AP4S1: variants seen among roughly 807,000 people sequenced by gnomAD.
The protein encoded by AP4S1 is adaptor related protein complex 4 subunit sigma 1, also known as AP-4 complex subunit sigma-1.
AP4S1 carries 23 observed loss-of-function variants against 19.8 expected under a neutral mutation model. The ratio of observed to expected loss-of-function variants is 1.16; its 90% CI spans 0.84 to 1.65. The LOEUF (loss-of-function observed/expected upper bound fraction) is 1.65. Among genes scored for constraint, AP4S1 ranks in the 40% most tolerant of loss-of-function variants. The pLI is 0.00. For synonymous variants in AP4S1, 46 were observed against 54.1 expected (o/e 0.85, Z 0.66); for missense variants, 166 against 172.8 (o/e 0.96, Z 0.22).
At chr14:31,048,207 C>T (rs1885532484) in intron 1 of AP4S1, among the ~76,000 whole-genome samples, 1 of 151,196 alleles carries the variant, frequency 6.6e-6, no homozygotes, top group Non-Finnish European at 1.5e-5. Flanking sequence ...GATTCTCTTG[C>T]CTCGGCCTCC....
intron 1 of AP4S1, among the ~76,000 whole-genome samples, chr14:31,052,517 G>A (rs1017737030): frequency 7.9e-5 from 12 of 151,966 alleles, no homozygotes; most frequent in Admixed American, 2.6e-4. Context: ...CTGAGGTCAG[G>A]AGTTCGAGAC....
At chr14:31,067,208 CAAA>C (rs55659438) in intron 2 of AP4S1, among the ~76,000 whole-genome samples, 18 of 140,570 alleles carry the variant, frequency 1.3e-4, no homozygotes, top group South Asian at 2.3e-4. Context: ...AACTCTGTCT[CAAA>C]AAAAAAAAAA....
At chr14:31,034,015 AC>A in intron 1 of AP4S1, among the ~76,000 whole-genome samples, 2 of 152,342 alleles carry the variant, frequency 1.3e-5, no homozygotes, top group East Asian at 1.9e-4. Context: ...AGAATGAACA[AC>A]CAGGTCTGTA....
At chr14:31,063,852 T>C (rs550175011) in intron 1 of AP4S1, among the ~76,000 whole-genome samples, 32 of 152,344 alleles carry the variant, frequency 2.1e-4, no homozygotes, top group African/African-American at 7.2e-4. Flanking sequence ...ACAATGGCCA[T>C]CTTTGCAACT....
intron 4 of AP4S1, among the ~76,000 whole-genome samples, chr14:31,078,311 A>G (rs973741112): frequency 6.6e-6 from 1 of 152,200 alleles, no homozygotes; most frequent in African/African-American, 2.4e-5. Context: ...GCCATCCAAT[A>G]CAGTAGGCAT....
At chr14:31,085,186 A>G in intron 5 of AP4S1, 1 of 1,149,582 alleles carries the variant, frequency 8.7e-7, no homozygotes, top group Non-Finnish European at 1.1e-6. Context: ...AGCCCTCACT[A>G]TCTACTGCTT....
At chr14:31,043,617 C>G (rs953872444) in intron 1 of AP4S1, among the ~76,000 whole-genome samples, 1 of 152,186 alleles carries the variant, frequency 6.6e-6, no homozygotes, top group African/African-American at 2.4e-5. Context: ...AACTCGGCAA[C>G]AGAGTTAACG....
intron 1 of AP4S1, among the ~76,000 whole-genome samples, chr14:31,053,233 G>A (rs764309063): frequency 1.3e-5 from 2 of 152,076 alleles, no homozygotes; most frequent in Non-Finnish European, 2.9e-5. Flanking sequence ...GAGCCACCGC[G>A]TCCGGCCTTG....
intron 1 of AP4S1, among the ~76,000 whole-genome samples, chr14:31,035,342 A>G (rs1196219530): frequency 2.0e-5 from 3 of 150,436 alleles, no homozygotes; most frequent in Admixed American, 6.7e-5. Flanking sequence ...TTACAAGCAC[A>G]CGCCGCCACA....
chr14:31,085,395 C>G (rs1279377120), intron 5 of AP4S1: 1 of 988,668 alleles, frequency 1.0e-6, no homozygotes, highest in Non-Finnish European at 1.2e-6. Flanking sequence ...GGAGTCTCTA[C>G]TTTGTATTCT....
At chr14:31,070,915 G>A (rs1233286621) in intron 3 of AP4S1, among the ~76,000 whole-genome samples, 1 of 152,146 alleles carries the variant, frequency 6.6e-6, no homozygotes, top group Non-Finnish European at 1.5e-5. Flanking sequence ...AGCTGGGCGT[G>A]GTGGCGGGCG....
intron 1 of AP4S1, among the ~76,000 whole-genome samples, chr14:31,052,270 G>T (rs185285907): frequency 2.2e-4 from 33 of 150,198 alleles, no homozygotes; most frequent in African/African-American, 7.8e-4. Context: ...AGACCCTCTC[G>T]GGGAAAAAAA....
At chr14:31,035,438 A>G (rs900067454) in intron 1 of AP4S1, among the ~76,000 whole-genome samples, 5 of 151,326 alleles carry the variant, frequency 3.3e-5, no homozygotes, top group South Asian at 2.1e-4. Context: ...TGATCTGCCC[A>G]CCTCAGCCTC....
At chr14:31,065,985 T>C (rs2139567940) in intron 1 of AP4S1, 141 bp from the exon 2 acceptor site, 2 of 475,156 alleles carry the variant, frequency 4.2e-6, no homozygotes, top group South Asian at 4.8e-5. Flanking sequence ...AAAACCTCAA[T>C]TAGTTCATAG....
chr14:31,034,047 G>A (rs1017534029), intron 1 of AP4S1, among the ~76,000 whole-genome samples: 1 of 152,190 alleles, frequency 6.6e-6, no homozygotes, highest in African/African-American at 2.4e-5. Flanking sequence ...CAAAATGACT[G>A]GAAGATGTGA....
At chr14:31,071,084 A>G (rs1017132852) in intron 3 of AP4S1, among the ~76,000 whole-genome samples, 1 of 152,156 alleles carries the variant, frequency 6.6e-6, no homozygotes, top group Non-Finnish European at 1.5e-5. Flanking sequence ...CAAAAGCCAG[A>G]GAAAACTCTA....
At chr14:31,079,969 A>G (rs1887554448) in intron 4 of AP4S1, among the ~76,000 whole-genome samples, 2 of 152,184 alleles carry the variant, frequency 1.3e-5, no homozygotes, top group Admixed American at 6.6e-5. Flanking sequence ...GTATAACCAC[A>G]TATACTTTGA....
At position 31,094,136 on chromosome 14, in the gene AP4S1, G is replaced by T. The variant is rs1177781828; in HGVS notation, c.*1101G>T. ...TCCACCTGCTTCAGCCTCCCAAAGTGCTGGGATTACAAGCATGAGCCACCA... is the reference window on the plus strand; with the variant it reads ...TCCACCTGCTTCAGCCTCCCAAAGTTCTGGGATTACAAGCATGAGCCACCA... On this transcript the variant is annotated 3_prime_UTR_variant, in exon 6 of 6. Coordinates refer to ENST00000542754, the MANE Select transcript of AP4S1 (RefSeq NM_001128126.3). 6.5e-6 allele frequency: 1 copy of T among 153,220 alleles called. No homozygotes were observed. Among genetic ancestry groups the T allele is most frequent in the Non-Finnish European group, 1.5e-5 (1 of 68,900 alleles). 9.5% of individuals were successfully genotyped at this position (153,220 alleles called of 1,614,324 possible).
chr14:31,049,426 A>ATATATAT (rs1478005217), intron 1 of AP4S1, among the ~76,000 whole-genome samples: 1 of 43,040 alleles, frequency 2.3e-5, no homozygotes, highest in Admixed American at 2.7e-4. Flanking sequence ...AAAAAAAAAA[A>ATATATAT]AAATATATAT....
Sources: allele counts gnomAD v4.1 joint callset (sites outside exome capture counted in the v4.1 genomes callset), GRCh38; gene constraint gnomAD v4.1.1; transcripts MANE v1.5; gene names NCBI Gene and HGNC (gene_info 2026-07-23, HGNC 2026-07-21).